NDST4: variants seen among roughly 807,000 people sequenced by gnomAD.
NDST4 encodes N-heparan sulfate sulfotransferase 4.
Under a neutral mutation model 100.8 loss-of-function variants are expected in NDST4, and 63 were observed. That is an observed-to-expected ratio of 0.62 (90% confidence interval 0.51 to 0.77). The LOEUF is 0.77. NDST4 is among the 30% of genes least tolerant of loss of function. The pLI, the probability that NDST4 is intolerant of heterozygous loss-of-function variation, is 0.00. For synonymous variants in NDST4, 377 were observed against 361.8 expected, an observed-to-expected ratio of 1.04 and a Z score of -0.48; for missense variants, 943 against 1,018.4, an observed-to-expected ratio of 0.93 and a Z score of 1.01.
chr4:114,836,230 G>A (rs894881237), intron 11 of NDST4, among the ~76,000 whole-genome samples: 29 of 152,134 alleles, frequency 1.9e-4, no homozygotes, highest in African/African-American at 6.3e-4. Flanking sequence ...ATTTTGATGT[G>A]TTTTTGCAGG....
intron 2 of NDST4, among the ~76,000 whole-genome samples, chr4:114,980,893 T>C (rs1365978809): frequency 6.6e-6 from 1 of 152,118 alleles, no homozygotes; most frequent in African/African-American, 2.4e-5. Context: ...TTCAATAGTC[T>C]CCTAATAAAT....
intron 1 of NDST4, among the ~76,000 whole-genome samples, chr4:115,106,097 G>A (rs1325519465): frequency 6.6e-6 from 1 of 152,084 alleles, no homozygotes; most frequent in African/African-American, 2.4e-5. Flanking sequence ...AAGGTAATAA[G>A]TGCCCTGATG....
chr4:114,901,419 C>A (rs181839680), intron 6 of NDST4, among the ~76,000 whole-genome samples: 1 of 151,990 alleles, frequency 6.6e-6, no homozygotes, highest in African/African-American at 2.4e-5. Context: ...TGTTCTGAAG[C>A]CTGCTCTGTC....
chr4:114,870,006 C>T (rs545127275), intron 7 of NDST4, among the ~76,000 whole-genome samples: 4 of 152,200 alleles, frequency 2.6e-5, no homozygotes, highest in South Asian at 2.1e-4. Flanking sequence ...CTTTCTCAGC[C>T]GACTGCTTGG....
intron 4 of NDST4, among the ~76,000 whole-genome samples, chr4:114,943,445 G>A (rs935858040): frequency 5.9e-5 from 9 of 152,164 alleles, no homozygotes; most frequent in African/African-American, 2.2e-4. Context: ...TATCAGTAAT[G>A]ATTTCCTCTT....
In NDST4 at chr4:114,842,618, T is replaced by TAAAAAAAAAAAAA. The variant is rs71584042; in HGVS notation, c.2116-3083_2116-3071dup. ...AAACACGATGAAAACCAGTCTCTAC[T>TAAAAAAAAAAAAA]AAAAAAAAAAAAAAAAAAAAAAAAA... On this transcript the variant is annotated intron_variant, in intron 10 of 13. Coordinates refer to ENST00000264363, the MANE Select transcript of NDST4 (RefSeq NM_022569.3). The TAAAAAAAAAAAAA allele has an allele frequency of 9.3e-4, 38 of 41,056 alleles. 7 individuals are homozygous for TAAAAAAAAAAAAA. The highest frequency in any genetic ancestry group is 1.5e-3 in the African/African-American group (15 of 9,950). The allele number at this position is 41,056 out of a possible 1,614,324, so 2.5% of individuals were successfully genotyped here.
rs1387259584 is a variant in NDST4 at position 115,010,006 on chromosome 4, G to T, written c.979-32732C>A. 4.8e-5 allele frequency among the ~76,000 whole-genome samples: 5 copies of T among 103,114 alleles called. 1 individual carries two copies. The highest frequency in any genetic ancestry group is 1.9e-4 in the African/African-American group (5 of 26,142). The allele number at this position is 103,114 out of a possible 152,430, so 67.6% of individuals were successfully genotyped here. On this transcript the variant is annotated intron_variant, in intron 2 of 13. Transcript: ENST00000264363. ...ATGAGATACCATCTCACACCAGTTA[G>T]AATGGCAATCATTAAAAAGTCAGGA...
chr4:114,866,134 T>C (rs1385933701), intron 7 of NDST4, among the ~76,000 whole-genome samples: 1 of 152,242 alleles, frequency 6.6e-6, no homozygotes, highest in Non-Finnish European at 1.5e-5. Context: ...ACAGAACTCC[T>C]ATTTCCCCAG....
intron 2 of NDST4, among the ~76,000 whole-genome samples, chr4:115,028,749 A>C: frequency 6.6e-6 from 1 of 152,148 alleles, no homozygotes; most frequent in Non-Finnish European, 1.5e-5. Context: ...TGGAGCACTT[A>C]GCAAGAACAC....
rs1343762463 is a variant in NDST4, at chr4:115,022,298, ATGTTCCACGTACATATG to A, written c.979-45041_979-45025del. ...GTCTATGCACGTTCCACATATATAT[ATGTTCCACGTACATATG>A]TGTTCCACATACATATGTGTTCCAC... On this transcript the variant is annotated intron_variant, in intron 2 of 13. Coordinates refer to ENST00000264363, the MANE Select transcript of NDST4 (RefSeq NM_022569.3). 9.9e-3 allele frequency among the ~76,000 whole-genome samples: 1,490 copies of A among 149,778 alleles called. 71 individuals carry two copies. The highest frequency in any genetic ancestry group is 0.036 in the African/African-American group (1,400 of 39,380).
chr4:115,002,155 C>A (rs1168500179), intron 2 of NDST4, among the ~76,000 whole-genome samples: 1 of 152,222 alleles, frequency 6.6e-6, no homozygotes, highest in African/African-American at 2.4e-5. Context: ...ACAGCCTCAC[C>A]AGCATCTGTG....
intron 6 of NDST4, among the ~76,000 whole-genome samples, chr4:114,910,969 G>A (rs770889504): frequency 2.6e-5 from 4 of 151,972 alleles, no homozygotes; most frequent in Non-Finnish European, 5.9e-5. Context: ...TTTCTGCTTT[G>A]CAATAGCCTC....
At chr4:115,024,414 G>T (rs1318432124) in intron 2 of NDST4, among the ~76,000 whole-genome samples, 1 of 151,522 alleles carries the variant, frequency 6.6e-6, no homozygotes, top group African/African-American at 2.4e-5. Flanking sequence ...GGAGTCAAAC[G>T]TCATTATTCT....
intron 2 of NDST4, among the ~76,000 whole-genome samples, chr4:114,986,555 C>A (rs1171004288): frequency 1.3e-5 from 2 of 151,928 alleles, no homozygotes; most frequent in Non-Finnish European, 2.9e-5. Context: ...AAGTCCTAAT[C>A]TCTCTTTCAA....
intron 4 of NDST4, among the ~76,000 whole-genome samples, chr4:114,940,872 T>C (rs1725735604): frequency 1.3e-5 from 2 of 152,198 alleles, no homozygotes; most frequent in South Asian, 4.1e-4. Context: ...TTTTCTCTTC[T>C]CTCCTCTGCT....
At position 114,970,479 on chromosome 4, in the gene NDST4, T is replaced by C; in HGVS notation, c.1172A>G (p.Asn391Ser). Residue 391 changes from asparagine to serine, a missense_variant, in exon 4 of 14, where the codon AAC (asparagine) becomes AGC (serine). By Grantham distance (46) the Asn-to-Ser change is conservative. Coordinates refer to ENST00000264363, the MANE Select transcript of NDST4 (RefSeq NM_022569.3). ...CATCTGCTCTACTAAAGATGACTCG[T>C]TGTGGAAGAGGTGGGGCTGCATGTG... is the stretch of plus-strand genomic sequence containing the variant. ...WSHMQPHLFH[N>S]ESSLVEQMIL... 1 of 1,614,060 alleles carries C rather than the reference T, an allele frequency of 6.2e-7. No homozygotes were observed. The highest frequency in any genetic ancestry group is 2.2e-5 in the East Asian group (1 of 44,870).
At chr4:114,896,376 C>G (rs900230918) in intron 6 of NDST4, among the ~76,000 whole-genome samples, 1 of 152,060 alleles carries the variant, frequency 6.6e-6, no homozygotes, top group African/African-American at 2.4e-5. Flanking sequence ...GTAATCCCAG[C>G]ACTTTGGGAG....
At chr4:114,888,377 C>T (rs1724523764) in intron 6 of NDST4, among the ~76,000 whole-genome samples, 1 of 152,074 alleles carries the variant, frequency 6.6e-6, no homozygotes, top group East Asian at 1.9e-4. Context: ...TTAGTTTCAA[C>T]CTGCTCATTC....
At chr4:114,990,939 T>C (rs796909148) in intron 2 of NDST4, among the ~76,000 whole-genome samples, 4 of 152,202 alleles carry the variant, frequency 2.6e-5, no homozygotes, top group African/African-American at 9.6e-5. Flanking sequence ...AGACTTCAAC[T>C]CTTATTGCTC....
Sources: gnomAD v4.1 joint callset for allele counts (sites outside exome capture counted in the v4.1 genomes callset) on GRCh38, gnomAD v4.1.1 for gene constraint, MANE v1.5 for transcripts, NCBI Gene and HGNC (gene_info 2026-07-23, HGNC 2026-07-21) for gene names.